SEC22C: variants seen among roughly 807,000 people sequenced by gnomAD.
SEC22C encodes vesicle-trafficking protein SEC22c.
SEC22C carries 29 observed loss-of-function variants against 34.7 expected under a neutral mutation model. The observed-to-expected ratio is 0.84, with a 90% CI of 0.62 to 1.14. The LOEUF (loss-of-function observed/expected upper bound fraction) is 1.14. Ranked by LOEUF, SEC22C falls within the 50% of genes most tolerant of loss-of-function variation. The probability of loss-of-function intolerance (pLI) is 0.00; values close to 1 mark genes in which losing one functional copy is unlikely to be tolerated. For synonymous variants in SEC22C, 117 were observed against 132.8 expected, an observed-to-expected ratio of 0.88 and a Z score of 0.82; for missense variants, 337 against 369.0, an observed-to-expected ratio of 0.91 and a Z score of 0.71.
chr3:42,563,984 T>C (rs1311545999), intron 2 of SEC22C: 15 of 1,264,082 alleles, frequency 1.2e-5, no homozygotes, highest in African/African-American at 6.2e-5. Flanking sequence ...TCCACATCTA[T>C]TGAGAAAACG....
intron 1 of SEC22C, chr3:42,573,536 C>A (rs929677904): frequency 6.6e-6 from 1 of 152,050 alleles, no homozygotes; most frequent in African/African-American, 2.4e-5. Context: ...AACAAAAAAA[C>A]AAAAAACAAA....
At position 42,548,551 on chromosome 3, in the gene SEC22C, T is replaced by C. The variant is rs1263277282; in HGVS notation, c.*4697A>G. The C allele has an allele frequency of 6.3e-7, 1 of 1,589,212 alleles. No individual in the cohort carries two copies. The highest frequency in any genetic ancestry group is 8.6e-7 in the Non-Finnish European group (1 of 1,159,212). On this transcript the variant is annotated 3_prime_UTR_variant, in exon 7 of 7. Coordinates refer to ENST00000264454, the MANE Select transcript of SEC22C (RefSeq NM_032970.4). ...GATGAGATTTCCCCAGCAGCAGAAG[T>C]TTGACATCACTGCTCCCGGATGGGA...
At chr3:42,582,854 A>C (rs1704469633), upstream of SEC22C, among the ~76,000 whole-genome samples, 1 of 152,216 alleles carries the variant, frequency 6.6e-6, no homozygotes, top group Non-Finnish European at 1.5e-5. Flanking sequence ...GGATGAAAAG[A>C]AACCCAGAAA....
At chr3:42,577,893 C>G (rs1347394863) in intron 1 of SEC22C, among the ~76,000 whole-genome samples, 1 of 152,088 alleles carries the variant, frequency 6.6e-6, no homozygotes, top group East Asian at 1.9e-4. Flanking sequence ...TCACTTGAAC[C>G]TGGGAGGCGG....
chr3:42,578,717 G>A (rs1012706599), intron 1 of SEC22C, among the ~76,000 whole-genome samples: 4 of 152,094 alleles, frequency 2.6e-5, no homozygotes, highest in Admixed American at 6.5e-5. Flanking sequence ...TAAAATAAAA[G>A]CTGGAAAAAA....
chr3:42,564,084 C>T (rs1016693299), intron 2 of SEC22C: 1 of 482,750 alleles, frequency 2.1e-6, no homozygotes, highest in African/African-American at 2.0e-5. Flanking sequence ...TAAGTTCCTA[C>T]ATATTCATAA....
chr3:42,572,383 G>A (rs1335902400), intron 1 of SEC22C, among the ~76,000 whole-genome samples: 3 of 152,298 alleles, frequency 2.0e-5, no homozygotes, highest in South Asian at 2.1e-4. Flanking sequence ...AAGGCCAAGT[G>A]AAGAGCCTAG....
intron 1 of SEC22C, chr3:42,600,867 C>G (rs1039632663): frequency 5.1e-6 from 3 of 591,594 alleles, no homozygotes; most frequent in Admixed American, 8.7e-5. Context: ...CCTGCGCTGT[C>G]GCGACGGGCC....
At position 42,552,265 on chromosome 3, in the gene SEC22C, A is replaced by T. The variant is rs1702291096; in HGVS notation, c.*983T>A. 1 of 985,328 alleles carries T rather than the reference A, an allele frequency of 1.0e-6. No individual in the cohort carries two copies. The highest frequency in any genetic ancestry group is 1.7e-5 in the African/African-American group (1 of 57,234). The allele number at this position is 985,328 out of a possible 1,614,324, so 61.0% of individuals were successfully genotyped here. Reference sequence around the variant, plus strand: ...ATGACTGGGAAAGGTGCAGAGGAGTAATTAATTTTGGAGGCGCTCTGGGAA... The same window carrying T: ...ATGACTGGGAAAGGTGCAGAGGAGTTATTAATTTTGGAGGCGCTCTGGGAA... On this transcript the variant is annotated 3_prime_UTR_variant, in exon 7 of 7. Transcript: ENST00000264454.
Position 42,561,128 on chromosome 3 carries a change from T to G in SEC22C, c.515A>C (p.His172Pro), listed in dbSNP as rs1577310480. 6.2e-7 allele frequency: 1 copy of G among 1,613,262 alleles called. No homozygotes were observed. The highest frequency in any genetic ancestry group is 2.2e-5 in the East Asian group (1 of 44,826). Residue 172 changes from histidine (H) to proline (P), a missense_variant, in exon 4 of 7, where the codon CAC (histidine) becomes CCC (proline). Transcript: ENST00000264454. ...NGVMNGHTPM[H>P]LEPAPNFRME... ...AACAAGCCACTTACCAGGCTCCAAG[T>G]GCATCGGTGTGTGACCATTCATCAC... is the stretch of plus-strand genomic sequence containing the variant.
chr3:42,552,504 A>C lies in SEC22C; in HGVS notation c.*744T>G, dbSNP rs1469480349. 2.0e-6 allele frequency: 2 copies of C among 983,434 alleles called. No individual in the cohort carries two copies. Among genetic ancestry groups the C allele is most frequent in the East Asian group, 2.3e-4 (2 of 8,808 alleles). 60.9% of individuals were successfully genotyped at this position (983,434 alleles called of 1,614,324 possible). On this transcript the variant is annotated 3_prime_UTR_variant, in exon 7 of 7. Coordinates refer to ENST00000264454, the MANE Select transcript of SEC22C (RefSeq NM_032970.4). The stretch of plus-strand genomic sequence containing the variant: ...AACTTATCATCTAGAAGTACTGGTT[A>C]TTCAATTAATTTTTAAAATATTCGG...
chr3:42,568,078 T>A (rs942664429), intron 2 of SEC22C, among the ~76,000 whole-genome samples: 1 of 150,052 alleles, frequency 6.7e-6, no homozygotes, highest in Non-Finnish European at 1.5e-5. Flanking sequence ...GTCAAAAAAA[T>A]AAATAAATAA....
chr3:42,565,416 C>T (rs1703175361), intron 2 of SEC22C, among the ~76,000 whole-genome samples: 1 of 152,148 alleles, frequency 6.6e-6, no homozygotes, highest in South Asian at 2.1e-4. Flanking sequence ...CTAGGCCACT[C>T]TAGGATGGAG....
Position 42,594,772 on chromosome 3 carries a change from T to C in SEC22C, c.-28+6188A>G, listed in dbSNP as rs1409791146. 1.3e-5 allele frequency: 4 copies of C among 299,754 alleles called. No individual in the cohort carries two copies. The East Asian group carries it at 2.0e-4, about 15-fold the overall frequency. 18.6% of individuals were successfully genotyped at this position (299,754 alleles called of 1,614,324 possible). ...TGTCCTCTTTCCTGAACTTGGAGCA[T>C]GTTTGGATAACAAAGACATCACTGG... On this transcript the variant is annotated intron_variant, in intron 1 of 6. Coordinates refer to the SEC22C transcript ENST00000417572.
chr3:42,593,753 T>TG (rs1362392503), intron 1 of SEC22C, among the ~76,000 whole-genome samples: 5 of 151,954 alleles, frequency 3.3e-5, no homozygotes, highest in African/African-American at 9.7e-5. Context: ...GCAGAGTAAG[T>TG]GGGGGGAGGA....
chr3:42,600,969 C>G (rs1705355405), exon 1 of SEC22C: 3 of 1,505,718 alleles, frequency 2.0e-6, no homozygotes, highest in Middle Eastern at 2.4e-4. Context: ...CCGCTTTTCT[C>G]CCCCTCTCTC....
intron 1 of SEC22C, among the ~76,000 whole-genome samples, chr3:42,572,301 T>C (rs924808782): frequency 6.6e-6 from 1 of 151,344 alleles, no homozygotes; most frequent in Non-Finnish European, 1.5e-5. Context: ...AACAAAAAAC[T>C]TGCAGGTAAA....
intron 1 of SEC22C, among the ~76,000 whole-genome samples, chr3:42,575,615 A>G (rs905044918): frequency 6.6e-6 from 1 of 152,264 alleles, no homozygotes; most frequent in Non-Finnish European, 1.5e-5. Context: ...AAAGATGTAA[A>G]TAAGTGAAGC....
intron 1 of SEC22C, chr3:42,573,302 G>C (rs1466526517): frequency 2.0e-5 from 3 of 152,242 alleles, no homozygotes; most frequent in African/African-American, 7.2e-5. Flanking sequence ...AAGGCAGGTG[G>C]GTCACTTGAG....
Sources: gnomAD v4.1 joint callset for allele counts (sites outside exome capture counted in the v4.1 genomes callset) on GRCh38, gnomAD v4.1.1 for gene constraint, MANE v1.5 for transcripts, NCBI Gene and HGNC (gene_info 2026-07-23, HGNC 2026-07-21) for gene names.